The following SVOPL variants were observed in gnomAD, a reference collection of about 807,000 sequenced individuals.
SVOPL encodes the protein SVOP like.
SVOPL carries 60 observed loss-of-function variants against 61.0 expected under a neutral mutation model. That is an observed-to-expected ratio of 0.98 (90% CI 0.80 to 1.22). SVOPL has a LOEUF of 1.22. SVOPL is among the 50% of genes most tolerant of loss of function. The pLI, the probability that SVOPL is intolerant of heterozygous loss-of-function variation, is 0.00. For synonymous variants in SVOPL, 279 were observed against 250.0 expected, an observed-to-expected ratio of 1.12 and a Z score of -1.09; for missense variants, 662 against 643.9, an observed-to-expected ratio of 1.03 and a Z score of -0.30.
intron 6 of SVOPL, among the ~76,000 whole-genome samples, chr7:138,658,664 G>A (rs1378238576): frequency 6.6e-6 from 1 of 152,014 alleles, no homozygotes; most frequent in Non-Finnish European, 1.5e-5. Flanking sequence ...CTAGCCTTAT[G>A]AACAAAAAAG....
rs972451492 is a variant in SVOPL at position 138,632,295 on chromosome 7, G to A, written c.790-2173C>T. ...AAAAATACAAAACATTTAGCCAGGC[G>A]TGATGGCACGCACCTGTAATCCCAG... On this transcript the variant is annotated intron_variant, in intron 9 of 15. Transcript: ENST00000674285. Among the ~76,000 whole-genome samples, 39 of 152,298 alleles carry A rather than the reference G, an allele frequency of 2.6e-4. 1 individual carries two copies. The highest frequency in any genetic ancestry group is 9.1e-4 in the African/African-American group (38 of 41,568).
Position 138,638,291 on chromosome 7 carries a change from A to AG in SVOPL, c.789+6425_789+6426insC, listed in dbSNP as rs370421967. On this transcript the variant is annotated intron_variant, in intron 9 of 15. Transcript: ENST00000674285. ...CCACCTCAAAAAAAAAAAAAAAAAA[A>AG]AAGTATAAAACCAAATTAACACAAT... Among the ~76,000 whole-genome samples, 395 of 135,736 alleles carry AG rather than the reference A, an allele frequency of 2.9e-3. 5 individuals carry two copies. The highest frequency in any genetic ancestry group is 0.014 in the East Asian group (67 of 4,644). 89.0% of individuals were successfully genotyped at this position (135,736 alleles called of 152,430 possible). A position where few individuals can be genotyped will look rare whatever the true frequency, so the allele number is the denominator to read the frequency against.
At chr7:138,611,826 C>A (rs1389994886) in intron 14 of SVOPL, among the ~76,000 whole-genome samples, 22 of 41,684 alleles carry the variant, frequency 5.3e-4, no homozygotes, top group Admixed American at 1.6e-3. Context: ...ACCTCCCAGC[C>A]GCCTGCCTTG....
chr7:138,639,010 T>C (rs1458519766), intron 9 of SVOPL, among the ~76,000 whole-genome samples: 2 of 152,030 alleles, frequency 1.3e-5, no homozygotes, highest in African/African-American at 2.4e-5. Flanking sequence ...CCCAACACTT[T>C]GGAAGGCTGA....
intron 1 of SVOPL, among the ~76,000 whole-genome samples, chr7:138,696,478 A>C (rs926762218): frequency 6.6e-6 from 1 of 152,020 alleles, no homozygotes; most frequent in African/African-American, 2.4e-5. Context: ...GCTGGAATGC[A>C]ATGGTACAAT....
intron 13 of SVOPL, among the ~76,000 whole-genome samples, chr7:138,622,098 C>G (rs796940723): frequency 0.016 from 1,058 of 65,854 alleles, no homozygotes; most frequent in Non-Finnish European, 0.02. Context: ...ATGTATCTAT[C>G]TATCTATCTA....
chr7:138,643,297 C>T (rs544336224), intron 9 of SVOPL, among the ~76,000 whole-genome samples: 2 of 151,774 alleles, frequency 1.3e-5, no homozygotes, highest in African/African-American at 2.4e-5. Flanking sequence ...TGGTGGCAGG[C>T]GCCTGTAGTC....
chr7:138,665,323 G>A (rs1366360700), intron 4 of SVOPL, among the ~76,000 whole-genome samples: 3 of 151,232 alleles, frequency 2.0e-5, no homozygotes, highest in Non-Finnish European at 2.9e-5. Context: ...CTGGGAGACA[G>A]TGACAATGTT....
At chr7:138,610,513 G>C (rs990300496) in intron 14 of SVOPL, among the ~76,000 whole-genome samples, 1 of 152,012 alleles carries the variant, frequency 6.6e-6, no homozygotes, top group African/African-American at 2.4e-5. Flanking sequence ...GTAGGTTTTT[G>C]TGTTTTCAGG....
At chr7:138,697,214 T>G (rs1458072982) in intron 1 of SVOPL, among the ~76,000 whole-genome samples, 1 of 152,044 alleles carries the variant, frequency 6.6e-6, no homozygotes, top group East Asian at 1.9e-4. Flanking sequence ...TCTACAAAAA[T>G]AATACTACTA....
At chr7:138,603,955 CTTTTTTTTTTTTT>C (rs560678707) in intron 14 of SVOPL, among the ~76,000 whole-genome samples, 1 of 109,252 alleles carries the variant, frequency 9.2e-6, no homozygotes, top group African/African-American at 3.5e-5. Flanking sequence ...TTAATTTATT[CTTTTTTTTTTTTT>C]TTTTTTTTTT....
chr7:138,613,081 A>T (rs547635019), intron 14 of SVOPL, among the ~76,000 whole-genome samples: 78 of 151,886 alleles, frequency 5.1e-4, no homozygotes, highest in Non-Finnish European at 7.4e-4. Flanking sequence ...GTGCAGCGGC[A>T]CAATCCTGGC....
chr7:138,661,268 C>T (rs539199107), intron 5 of SVOPL: 6 of 985,360 alleles, frequency 6.1e-6, no homozygotes, highest in East Asian at 1.1e-4. Flanking sequence ...TTAGTAGGCA[C>T]GTGACTTTGA....
At chr7:138,694,404 C>T (rs1347278551) in intron 1 of SVOPL, among the ~76,000 whole-genome samples, 2 of 152,032 alleles carry the variant, frequency 1.3e-5, no homozygotes, top group Admixed American at 6.6e-5. Flanking sequence ...GCCACCACGC[C>T]CACCTAACTT....
chr7:138,613,322 A>T (rs923534788), intron 14 of SVOPL, among the ~76,000 whole-genome samples: 7 of 152,076 alleles, frequency 4.6e-5, no homozygotes, highest in South Asian at 2.1e-4. Flanking sequence ...GACAGGCCAG[A>T]GTGATCTTTT....
intron 14 of SVOPL, among the ~76,000 whole-genome samples, chr7:138,620,415 C>T (rs573063179): frequency 2.8e-5 from 4 of 144,560 alleles, no homozygotes; most frequent in Admixed American, 2.1e-4. Context: ...GCTACCGCAC[C>T]CCAGTCTGGA....
At chr7:138,669,059 A>C (rs1427102308) in intron 4 of SVOPL, among the ~76,000 whole-genome samples, 1 of 152,220 alleles carries the variant, frequency 6.6e-6, no homozygotes, top group Non-Finnish European at 1.5e-5. Context: ...CTGCATCAGA[A>C]TCAAGGTCCC....
rs755437194 is a variant in SVOPL, at chr7:138,648,970, G to T, written c.660+42C>A. 4.3e-6 allele frequency: 7 copies of T among 1,612,112 alleles called. No individual in the cohort carries two copies. The South Asian group carries it at 7.7e-5, about 18-fold the overall frequency. On this transcript the variant is annotated intron_variant, in intron 8 of 15. Coordinates refer to ENST00000674285, the MANE Select transcript of SVOPL (RefSeq NM_001139456.2). ...GTGGGGCATGAAGGCCACTGGACCAGCAGGAGGAGGGGACAGGAAGGAGCC... is the reference window on the plus strand; with the variant it reads ...GTGGGGCATGAAGGCCACTGGACCATCAGGAGGAGGGGACAGGAAGGAGCC...
intron 14 of SVOPL, among the ~76,000 whole-genome samples, chr7:138,606,017 A>C (rs916538514): frequency 1.3e-5 from 2 of 152,036 alleles, no homozygotes; most frequent in African/African-American, 4.8e-5. Context: ...ATTTAAAAAA[A>C]AAAAGCCAGT....
Sources: gnomAD v4.1 joint callset for allele counts (sites outside exome capture counted in the v4.1 genomes callset) on GRCh38, gnomAD v4.1.1 for gene constraint, MANE v1.5 for transcripts, NCBI Gene and HGNC (gene_info 2026-07-23, HGNC 2026-07-21) for gene names.